The following TMEM106B variants were observed in gnomAD, a reference collection of about 807,000 sequenced individuals.
TMEM106B encodes the protein transmembrane protein 106B.
A neutral mutation model predicts 31.1 loss-of-function variants in TMEM106B; 15 were observed. The observed-to-expected ratio is 0.48, with a 90% CI of 0.32 to 0.74. The LOEUF (loss-of-function observed/expected upper bound fraction) is 0.74, where lower values mean the gene tolerates loss of function less well. Ranked by LOEUF, TMEM106B falls within the 30% of genes least tolerant of loss-of-function variation. TMEM106B has a pLI of 0.03. For missense variants in TMEM106B, 283 were observed against 327.3 expected, an observed-to-expected ratio of 0.86 and a Z score of 1.04; for synonymous variants, 126 against 112.5, an observed-to-expected ratio of 1.12 and a Z score of -0.76.
rs1409507606 is a variant in TMEM106B, at chr7:12,236,109, T to A, written c.*4134T>A. The A allele has an allele frequency of 2.0e-5, 3 of 151,954 alleles. No individual in the cohort carries two copies. In the East Asian group the frequency reaches 5.8e-4, roughly 29 times the overall value. The allele number at this position is 151,954 out of a possible 1,614,324, so 9.4% of individuals were successfully genotyped here. On this transcript the variant is annotated 3_prime_UTR_variant, in exon 8 of 8. Coordinates refer to ENST00000396668, the MANE Select transcript of TMEM106B (RefSeq NM_001134232.2). ...ACAATATATTTATGATGTGTTCAGA[T>A]CAAAAATTTAACTTCTGTGTCCCAG... is the stretch of plus-strand genomic sequence containing the variant.
intron 4 of TMEM106B, 147 bp downstream of exon 4, chr7:12,224,532 A>G (rs1025011071): frequency 1.8e-6 from 1 of 570,200 alleles, no homozygotes; most frequent in Non-Finnish European, 3.0e-6. Context: ...GACGTTCTCT[A>G]CCATTTCTGG....
In TMEM106B at chr7:12,239,572, G is replaced by A. The variant is rs2098363; in HGVS notation, c.*7597G>A. On this transcript the variant is annotated 3_prime_UTR_variant, in exon 8 of 8. Transcript: ENST00000396668. ...GGTGAGAAATGCTTGATTACTAGGTGTAATTATTTCTAGCTTTTGATTGAA... is the reference window on the plus strand; with the variant it reads ...GGTGAGAAATGCTTGATTACTAGGTATAATTATTTCTAGCTTTTGATTGAA... 0.63 allele frequency: 95,422 copies of A among 151,906 alleles called. 30,850 individuals carry two copies. The highest frequency in any genetic ancestry group is 0.79 in the African/African-American group (32,908 of 41,468). 9.4% of individuals were successfully genotyped at this position (151,906 alleles called of 1,614,324 possible).
At chr7:12,223,634 A>G (rs1781832514) in intron 3 of TMEM106B, among the ~76,000 whole-genome samples, 1 of 152,002 alleles carries the variant, frequency 6.6e-6, no homozygotes, top group South Asian at 2.1e-4. Flanking sequence ...CTCAGCTTGA[A>G]TCTAATGTGA....
At chr7:12,221,262 C>G (rs1781782785) in intron 3 of TMEM106B, among the ~76,000 whole-genome samples, 1 of 152,108 alleles carries the variant, frequency 6.6e-6, no homozygotes, top group Non-Finnish European at 1.5e-5. Context: ...GACTTGAAAA[C>G]ATTGTGCTGT....
intron 1 of TMEM106B, among the ~76,000 whole-genome samples, chr7:12,213,723 G>A (rs1301248777): frequency 6.6e-6 from 1 of 152,138 alleles, no homozygotes; most frequent in East Asian, 1.9e-4. Context: ...CTTTGTTTCA[G>A]ACATTATTTT....
At position 12,231,094 on chromosome 7, in the gene TMEM106B, A is replaced by G. The variant is rs1782012100; in HGVS notation, c.665A>G (p.His222Arg). ...DFCTLISIKV[H>R]NIVLMMQVTV... ...TGTACTCTGATATCCATCAAAGTGC[A>G]TAACATAGTACTCATGATGCAGTAA... is the stretch of plus-strand genomic sequence containing the variant. The change falls in exon 7 of 8, where the codon CAT becomes CGT. Residue 222 changes from histidine to arginine, a missense_variant. Transcript: ENST00000396668. 1 of 1,603,040 alleles carries G rather than the reference A, an allele frequency of 6.2e-7. No homozygotes were observed. The highest frequency in any genetic ancestry group is 1.1e-5 in the South Asian group (1 of 89,318).
intron 3 of TMEM106B, among the ~76,000 whole-genome samples, chr7:12,222,249 T>C (rs1781802720): frequency 6.6e-6 from 1 of 152,192 alleles, no homozygotes; most frequent in Admixed American, 6.5e-5. Context: ...CAGGATTTGG[T>C]TGCTATCACT....
chr7:12,226,372 T>G (rs766329844), intron 4 of TMEM106B, among the ~76,000 whole-genome samples: 2 of 152,136 alleles, frequency 1.3e-5, no homozygotes, highest in Non-Finnish European at 2.9e-5. Context: ...CGTGTAGCCT[T>G]GCCACTCATG....
chr7:12,230,372 C>G lies in TMEM106B; in HGVS notation c.583-17C>G, dbSNP rs371105661. On this transcript the variant is annotated splice_polypyrimidine_tract_variant and intron_variant, in intron 5 of 7. Transcript: ENST00000396668. ...TTTGATCTTGTTCTCTATCGAATTTCTCCTTTTGCCTTTCAGATTGATTAC... is the reference window on the plus strand; with the variant it reads ...TTTGATCTTGTTCTCTATCGAATTTGTCCTTTTGCCTTTCAGATTGATTAC... The G allele has an allele frequency of 1.3e-6, 2 of 1,582,748 alleles. No homozygotes were observed. The highest frequency in any genetic ancestry group is 1.7e-6 in the Non-Finnish European group (2 of 1,153,462).
chr7:12,226,862 G>T (rs1343723861), intron 4 of TMEM106B, among the ~76,000 whole-genome samples: 1 of 152,060 alleles, frequency 6.6e-6, no homozygotes, highest in Non-Finnish European at 1.5e-5. Flanking sequence ...CTGGGGAATT[G>T]TTGGGTATTT....
intron 7 of TMEM106B, 119 bp from the exon 8 acceptor site, chr7:12,231,718 G>A (rs1335005587): frequency 1.2e-6 from 1 of 831,566 alleles, no homozygotes; most frequent in East Asian, 2.7e-5. Context: ...ACAATATTAA[G>A]TTATCATTAA....
intron 3 of TMEM106B, among the ~76,000 whole-genome samples, chr7:12,220,988 CAA>C (rs572744888): frequency 6.6e-6 from 1 of 151,944 alleles, no homozygotes; most frequent in Non-Finnish European, 1.5e-5. Context: ...CATATACACA[CAA>C]AGAGACAAAC....
chr7:12,224,557 G>A (rs1255103121), intron 4 of TMEM106B, among the ~76,000 whole-genome samples, 172 bp downstream of exon 4: 1 of 152,024 alleles, frequency 6.6e-6, no homozygotes, highest in Admixed American at 6.5e-5. Context: ...GCTAAAAATA[G>A]CAATAATAAA....
In TMEM106B at chr7:12,231,093, C is replaced by T; in HGVS notation, c.664C>T (p.His222Tyr). The change falls in exon 7 of 8, where the codon CAT (histidine) becomes TAT (tyrosine). Residue 222 changes from histidine to tyrosine, a missense_variant. By Grantham distance (83) the His-to-Tyr change is moderately conservative (BLOSUM62 2). Around this residue, in one of 3 missense-constraint regions of TMEM106B, gnomAD observed 201 missense variants for 211.5 expected, o/e 0.95. Coordinates refer to ENST00000396668, the MANE Select transcript of TMEM106B (RefSeq NM_001134232.2). ...CTGTACTCTGATATCCATCAAAGTG[C>T]ATAACATAGTACTCATGATGCAGTA... ...DFCTLISIKV[H>Y]NIVLMMQVTV... 1 of 1,602,124 alleles carries T rather than the reference C, an allele frequency of 6.2e-7. No homozygotes were observed. Among genetic ancestry groups the T allele is most frequent in the South Asian group, 1.1e-5 (1 of 89,176 alleles).
At chr7:12,226,536 C>A (rs969297221) in intron 4 of TMEM106B, among the ~76,000 whole-genome samples, 1 of 151,892 alleles carries the variant, frequency 6.6e-6, no homozygotes, top group Non-Finnish European at 1.5e-5. Context: ...CAGTGATCTG[C>A]CAGGAAGAGT....
intron 1 of TMEM106B, among the ~76,000 whole-genome samples, chr7:12,212,853 G>A (rs956277448): frequency 1.3e-5 from 2 of 152,212 alleles, no homozygotes; most frequent in African/African-American, 4.8e-5. Context: ...AATCAAATAA[G>A]TGAGAATTTT....
intron 5 of TMEM106B, 101 bp from the exon 6 acceptor site, chr7:12,230,287 TA>T: frequency 2.3e-6 from 2 of 876,002 alleles, no homozygotes; most frequent in South Asian, 1.4e-5. Flanking sequence ...ATCAAGCTTG[TA>T]AAAGGAGAAA....
At position 12,231,223 on chromosome 7, in the gene TMEM106B, T is replaced by C. The variant is rs754897940; in HGVS notation, c.686+108T>C. 3.2e-4 allele frequency: 258 copies of C among 804,978 alleles called. 1 individual carries two copies. The highest frequency in any genetic ancestry group is 3.2e-4 in the Admixed American group (13 of 40,090). The allele number at this position is 804,978 out of a possible 1,614,324, so 49.9% of individuals were successfully genotyped here. ...TTTATAAATGCCACCTCAGTTGGGT[T>C]TTAAGCCTTACAAGAGTGCTATGAG... On this transcript the variant is annotated intron_variant, in intron 7 of 7. Coordinates refer to ENST00000396668, the MANE Select transcript of TMEM106B (RefSeq NM_001134232.2).
In TMEM106B at chr7:12,232,330, G is replaced by A. The variant is rs529429961; in HGVS notation, c.*355G>A. 5.5e-4 allele frequency: 87 copies of A among 157,172 alleles called. No individual in the cohort carries two copies. Among genetic ancestry groups the A allele is most frequent in the Non-Finnish European group, 1.0e-3 (74 of 71,386 alleles). 9.7% of individuals were successfully genotyped at this position (157,172 alleles called of 1,614,324 possible). A position where few individuals can be genotyped will look rare whatever the true frequency, so the allele number is the denominator to read the frequency against. On this transcript the variant is annotated 3_prime_UTR_variant, in exon 8 of 8. Coordinates refer to ENST00000396668, the MANE Select transcript of TMEM106B (RefSeq NM_001134232.2). ...AATTTTGGTGATAAACATAATTTGA[G>A]AAACTTAATTTCTGAATGTTTTTAT...
Sources: gnomAD v4.1 joint callset for allele counts (sites outside exome capture counted in the v4.1 genomes callset) on GRCh38, gnomAD v4.1.1 for gene constraint, gnomAD v4.1.1 regional missense constraint, MANE v1.5 for transcripts, NCBI Gene and HGNC (gene_info 2026-07-23, HGNC 2026-07-21) for gene names.